EVL: variants seen among roughly 807,000 people sequenced by gnomAD.
EVL encodes ena/VASP-like protein.
A neutral mutation model predicts 59.6 loss-of-function variants in EVL; 21 were observed. The observed-to-expected ratio is 0.35, with a 90% CI of 0.25 to 0.51. The LOEUF is 0.51. EVL is among the 20% of genes least tolerant of loss of function. The pLI is 0.97. For missense variants in EVL, 462 were observed against 546.6 expected (o/e 0.85, Z 1.54); for synonymous variants, 198 against 203.5 (o/e 0.97, Z 0.23).
intron 3 of EVL, among the ~76,000 whole-genome samples, chr14:100,101,475 T>C (rs1352827203): frequency 3.3e-5 from 5 of 151,730 alleles, no homozygotes; most frequent in Admixed American, 6.6e-5. Context: ...AGCGAAACTC[T>C]GTCTCAAAAA....
Position 100,127,124 on chromosome 14 carries a change from C to T in EVL, c.487+353C>T, listed in dbSNP as rs142590838. 1.0e-2 allele frequency among the ~76,000 whole-genome samples: 1,517 copies of T among 152,324 alleles called. 13 individuals carry two copies. The highest frequency in any genetic ancestry group is 0.014 in the Non-Finnish European group (979 of 68,030). ...CTGTCCACTCAAGGAGACAGTGAAC[C>T]CACCCTTGTCATGTCACGTAGTGAA... On this transcript the variant is annotated intron_variant, in intron 5 of 13. Coordinates refer to ENST00000392920, the MANE Select transcript of EVL (RefSeq NM_016337.3). The surrounding 1 kb of genome is among the most constrained non-coding windows in gnomAD (Gnocchi z 4.2).
chr14:100,102,121 G>A (rs963627914), intron 3 of EVL, among the ~76,000 whole-genome samples: 2 of 152,218 alleles, frequency 1.3e-5, no homozygotes, highest in African/African-American at 4.8e-5. Context: ...TAAGGTGTAA[G>A]TCACCATGCC....
chr14:100,078,054 G>A (rs1347520077), intron 1 of EVL, among the ~76,000 whole-genome samples: 7 of 152,174 alleles, frequency 4.6e-5, no homozygotes, highest in Non-Finnish European at 4.4e-5. Context: ...GATTACAGGC[G>A]TGAGCCACTG....
intron 3 of EVL, among the ~76,000 whole-genome samples, chr14:100,103,067 A>C (rs1350572373): frequency 4.1e-5 from 6 of 145,316 alleles, no homozygotes; most frequent in African/African-American, 1.3e-4. Flanking sequence ...GCCTCACTGC[A>C]CTCCAGCCTG....
intron 1 of EVL, among the ~76,000 whole-genome samples, chr14:99,979,151 C>T (rs1332046729): frequency 6.6e-6 from 1 of 151,952 alleles, no homozygotes; most frequent in Admixed American, 6.6e-5. Context: ...CACTCCCATC[C>T]CCCACTCTCA....
rs540129416 is a variant in EVL, at chr14:99,976,633, A to T, written c.5+4576A>T. On this transcript the variant is annotated intron_variant, in intron 1 of 13. Coordinates refer to the EVL transcript ENST00000402714. ...GATGATGCTTTTTTCTTCCAGAGAT[A>T]ATTAATATCTGCTGTTATAAGGCAC... Among the ~76,000 whole-genome samples, 19 of 152,244 alleles carry T rather than the reference A, an allele frequency of 1.2e-4. No individual in the cohort carries two copies. In the South Asian group the frequency reaches 3.7e-3, roughly 30 times the overall value.
chr14:100,128,154 G>A (rs1888199073), intron 5 of EVL, among the ~76,000 whole-genome samples: 1 of 152,184 alleles, frequency 6.6e-6, no homozygotes, highest in Admixed American at 6.5e-5. Flanking sequence ...GGGGGTGCTA[G>A]GTGCTTAGAA....
At chr14:99,988,454 C>G (rs2060854192) in intron 1 of EVL, among the ~76,000 whole-genome samples, 1 of 152,146 alleles carries the variant, frequency 6.6e-6, no homozygotes, top group African/African-American at 2.4e-5. Flanking sequence ...GTGGATAAAC[C>G]TCACATATTG....
intron 1 of EVL, among the ~76,000 whole-genome samples, chr14:99,988,774 A>G (rs1397051455): frequency 6.6e-6 from 1 of 152,254 alleles, no homozygotes; most frequent in Non-Finnish European, 1.5e-5. Context: ...ATGGATGAAC[A>G]TCAGAAATAT....
At chr14:100,116,587 G>A (rs552823733) in intron 3 of EVL, among the ~76,000 whole-genome samples, 6 of 152,304 alleles carry the variant, frequency 3.9e-5, no homozygotes, top group African/African-American at 7.2e-5. Flanking sequence ...TTGTCTGCCT[G>A]CCTTTGGCTG....
intron 1 of EVL, among the ~76,000 whole-genome samples, chr14:99,985,060 C>T (rs936200298): frequency 6.6e-6 from 1 of 151,940 alleles, no homozygotes; most frequent in Non-Finnish European, 1.5e-5. Context: ...CTTTAGGCTC[C>T]TCTTGGTGCT....
At chr14:100,093,811 C>G (rs2062613115) in intron 2 of EVL, among the ~76,000 whole-genome samples, 1 of 152,254 alleles carries the variant, frequency 6.6e-6, no homozygotes, top group Non-Finnish European at 1.5e-5. Flanking sequence ...TTAGCTGTGG[C>G]TTTGCTTTCT....
In EVL at chr14:100,011,067, C is replaced by T. The variant is rs75295252; in HGVS notation, c.5+39010C>T. Among the ~76,000 whole-genome samples the T allele has an allele frequency of 1.5e-3, 235 of 152,198 alleles. 6 individuals are homozygous for T. The East Asian group carries it at 0.042, about 27-fold the overall frequency. ...TTCACTTGAAGATTTTTATAAAGAA[C>T]ATGTGAATGAGGAAGATACAAAAAT... On this transcript the variant is annotated intron_variant, in intron 1 of 13. Transcript: ENST00000402714.
intron 1 of EVL, among the ~76,000 whole-genome samples, chr14:100,040,939 C>T (rs1288276683): frequency 6.6e-6 from 1 of 152,128 alleles, no homozygotes; most frequent in Non-Finnish European, 1.5e-5. Flanking sequence ...TAAGCTACAA[C>T]GTTTGTGGAG....
At position 100,141,169 on chromosome 14, in the gene EVL, T is replaced by C; in HGVS notation, c.1095-11T>C. On this transcript the variant is annotated splice_polypyrimidine_tract_variant and intron_variant, in intron 11 of 13. Transcript: ENST00000392920. Reference sequence around the variant, plus strand: ...TCCAGCCAGGGCACCCACAGGCCCTTTCTCTCCCAGGATGAAGCCTGCTGG... The same window carrying C: ...TCCAGCCAGGGCACCCACAGGCCCTCTCTCTCCCAGGATGAAGCCTGCTGG... The C allele has an allele frequency of 6.2e-7, 1 of 1,613,486 alleles. No homozygotes were observed. Among genetic ancestry groups the C allele is most frequent in the Non-Finnish European group, 8.5e-7 (1 of 1,179,792 alleles).
chr14:99,997,742 A>G (rs1203091713), intron 1 of EVL, among the ~76,000 whole-genome samples: 3 of 152,210 alleles, frequency 2.0e-5, no homozygotes, highest in Non-Finnish European at 4.4e-5. Context: ...GTTCATGTGT[A>G]ACTTCAAACT....
intron 4 of EVL, among the ~76,000 whole-genome samples, chr14:100,125,700 C>T (rs1398203882): frequency 4.6e-5 from 7 of 151,904 alleles, no homozygotes; most frequent in African/African-American, 1.5e-4. Context: ...GGATTACAGG[C>T]GCGCGCCACC....
In EVL at chr14:100,135,945, C is replaced by T; in HGVS notation, c.941C>T (p.Ala314Val). 6.2e-7 allele frequency: 1 copy of T among 1,613,824 alleles called. No homozygotes were observed. Residue 314 changes from alanine to valine, a missense_variant, in exon 9 of 14, where the codon GCC becomes GTC. Ala to Val is a moderately conservative substitution (Grantham distance 64, BLOSUM62 0). Transcript: ENST00000392920. The stretch of plus-strand genomic sequence containing the variant: ...TCCCCCTCTCCGGGGACCCGAGCAG[C>T]CAGCCAGCCACCTAACTCCTCAGGT... Reference protein sequence around the residue: ...STSPSPGTRAASQPPNSSEAG... With the variant: ...STSPSPGTRAVSQPPNSSEAG...
chr14:100,090,802 CA>C (rs1169252057), intron 2 of EVL, among the ~76,000 whole-genome samples: 13 of 151,994 alleles, frequency 8.6e-5, no homozygotes, highest in Non-Finnish European at 1.5e-4. Context: ...CAAACAACAA[CA>C]AAACAAAAAC....
Sources: allele counts gnomAD v4.1 joint callset (sites outside exome capture counted in the v4.1 genomes callset), GRCh38; gene constraint gnomAD v4.1.1; non-coding constraint Gnocchi (gnomAD v3.1); transcripts MANE v1.5; gene names NCBI Gene and HGNC (gene_info 2026-07-23, HGNC 2026-07-21).